Variants in RYR2 observed in about 807,000 individuals in gnomAD.
The protein encoded by RYR2 is ryanodine receptor 2.
A neutral mutation model predicts 601.1 loss-of-function variants in RYR2; 227 were observed. The ratio of observed to expected loss-of-function variants is 0.38; its 90% confidence interval spans 0.34 to 0.42. RYR2 has a LOEUF of 0.42. RYR2 is among the 10% of genes least tolerant of loss of function. The pLI is 1.00. For missense variants in RYR2, 4,646 were observed against 6,156.5 expected (o/e 0.75, Z 8.21); for synonymous variants, 2,223 against 2,175.1 (o/e 1.02, Z -0.61).
Position 237,610,790 on chromosome 1 carries a change from T to C in RYR2, c.4712T>C (p.Phe1571Ser). The C allele has an allele frequency of 6.2e-7, 1 of 1,608,818 alleles. No individual in the cohort carries two copies. Among genetic ancestry groups the C allele is most frequent in the Non-Finnish European group, 8.5e-7 (1 of 1,178,034 alleles). Residue 1571 changes from phenylalanine (F) to serine (S), a missense_variant, in exon 36 of 105, where the codon TTC becomes TCC. Phe to Ser is a radical substitution (Grantham distance 155). This residue lies in a region of RYR2 where 1,807 missense variants were observed against 2,088.1 expected (regional missense o/e 0.87). Transcript: ENST00000366574. This position sits in a 1 kb window ranked among gnomAD's most constrained non-coding sequence, Gnocchi z 4.9. ...KNVMPLSAGLFKSEHKNPVPQ... is the reference protein window; with the variant it reads ...KNVMPLSAGLSKSEHKNPVPQ... ...GTGATGCCTCTCTCGGCGGGATTAT[T>C]CAAGAGTGAGCACAAGAACCCCGTG... is the stretch of plus-strand genomic sequence containing the variant.
chr1:237,685,818 A>G (rs1006151788), intron 62 of RYR2, among the ~76,000 whole-genome samples: 4 of 152,220 alleles, frequency 2.6e-5, no homozygotes, highest in Admixed American at 2.6e-4. Context: ...TCTAGTAGCC[A>G]CTTGAATAGA....
At position 237,393,038 on chromosome 1, in the gene RYR2, G is replaced by A. The variant is rs116882285; in HGVS notation, c.773+4855G>A. ...ACATATACAGAGATGAAATGCATTAGGTGATGATAAGAGCTAAGGAGAAAA... is the reference window on the plus strand; with the variant it reads ...ACATATACAGAGATGAAATGCATTAAGTGATGATAAGAGCTAAGGAGAAAA... On this transcript the variant is annotated intron_variant, in intron 10 of 104. Coordinates refer to ENST00000366574, the MANE Select transcript of RYR2 (RefSeq NM_001035.3). Among the ~76,000 whole-genome samples the A allele has an allele frequency of 7.9e-4, 120 of 152,258 alleles. No homozygotes were observed. The East Asian group carries it at 0.014, about 17-fold the overall frequency.
intron 1 of RYR2, among the ~76,000 whole-genome samples, chr1:237,183,113 G>A (rs529285988): frequency 1.4e-3 from 209 of 152,178 alleles, no homozygotes; most frequent in Non-Finnish European, 1.9e-3. Context: ...AAAACAAGTC[G>A]GCTGTTAGGG....
chr1:237,394,409 T>C (rs775874154), intron 10 of RYR2, among the ~76,000 whole-genome samples: 16 of 152,210 alleles, frequency 1.1e-4, no homozygotes, highest in Non-Finnish European at 1.5e-4. Flanking sequence ...AGAGCTATTG[T>C]GGCAAACTGA....
At chr1:237,045,391 C>T (rs1017124921) in intron 1 of RYR2, among the ~76,000 whole-genome samples, 1 of 152,092 alleles carries the variant, frequency 6.6e-6, no homozygotes. Context: ...TTAGCTTGTA[C>T]CTGTCTCTCT....
chr1:237,531,685 A>G (rs1335418943), intron 25 of RYR2, among the ~76,000 whole-genome samples: 2 of 152,214 alleles, frequency 1.3e-5, no homozygotes, highest in African/African-American at 4.8e-5. Flanking sequence ...GTGCTCCATA[A>G]GTGAGTTTAT....
At chr1:237,290,058 C>T (rs1395806793) in intron 2 of RYR2, among the ~76,000 whole-genome samples, 1 of 152,164 alleles carries the variant, frequency 6.6e-6, no homozygotes, top group African/African-American at 2.4e-5. Context: ...AGTTATTTGT[C>T]CCTGTTTCTA....
chr1:237,262,259 T>TTG (rs1457476872), intron 1 of RYR2, among the ~76,000 whole-genome samples: 1 of 138,084 alleles, frequency 7.2e-6, no homozygotes, highest in Non-Finnish European at 1.6e-5. Flanking sequence ...TTTTTTTTTT[T>TTG]TTTTTTTTTT....
intron 1 of RYR2, among the ~76,000 whole-genome samples, chr1:237,050,733 A>G (rs1490265142): frequency 6.6e-6 from 1 of 152,214 alleles, no homozygotes; most frequent in Non-Finnish European, 1.5e-5. Context: ...AAAGAAAAAG[A>G]AAGCTTACAG....
At chr1:237,670,307 A>ATGGCAG (rs1191053958) in intron 58 of RYR2, among the ~76,000 whole-genome samples, 3 of 113,420 alleles carry the variant, frequency 2.6e-5, no homozygotes, top group African/African-American at 1.1e-4. Flanking sequence ...GGAGAGGGAG[A>ATGGCAG]CTGGAGAGGG....
chr1:237,330,544 C>T lies in RYR2; in HGVS notation c.169-334C>T, dbSNP rs554347576. Among the ~76,000 whole-genome samples the T allele has an allele frequency of 3.6e-3, 553 of 152,222 alleles. 3 individuals carry two copies. The highest frequency in any genetic ancestry group is 5.7e-3 in the Admixed American group (87 of 15,284). ...CTGGGATTACAGGCTTGTGCCGCTG[C>T]GTCTGGCTACTTTTTGTATTTTTAG... On this transcript the variant is annotated intron_variant, in intron 2 of 104. Transcript: ENST00000366574.
intron 88 of RYR2, among the ~76,000 whole-genome samples, chr1:237,779,851 G>A (rs916461511): frequency 4.6e-5 from 7 of 152,200 alleles, no homozygotes; most frequent in Admixed American, 3.9e-4. Context: ...ATTAATGGGA[G>A]AATGAAGATT....
At chr1:237,580,502 G>C (rs1164701011) in intron 29 of RYR2, among the ~76,000 whole-genome samples, 2 of 151,858 alleles carry the variant, frequency 1.3e-5, no homozygotes, top group Non-Finnish European at 2.9e-5. Context: ...TGCCTTAAGG[G>C]GTAATGAAAT....
intron 1 of RYR2, among the ~76,000 whole-genome samples, chr1:237,225,209 G>A (rs1448818767): frequency 1.3e-5 from 2 of 152,166 alleles, no homozygotes; most frequent in African/African-American, 4.8e-5. Flanking sequence ...GCAGATATAA[G>A]ATTAAAATAT....
chr1:237,072,607 G>GTGCAACAC (rs1664501088), intron 1 of RYR2, among the ~76,000 whole-genome samples: 1 of 152,110 alleles, frequency 6.6e-6, no homozygotes, highest in Non-Finnish European at 1.5e-5. Context: ...AATGGATTTG[G>GTGCAACAC]AAACTCGTAT....
At chr1:237,103,685 C>T (rs1390708433) in intron 1 of RYR2, among the ~76,000 whole-genome samples, 1 of 152,256 alleles carries the variant, frequency 6.6e-6, no homozygotes, top group Non-Finnish European at 1.5e-5. Context: ...TCTCCTGCCT[C>T]AGCCTCCCGA....
rs1692645940 is a variant in RYR2 at position 237,752,815 on chromosome 1, G to A, written c.11146-3473G>A. Among the ~76,000 whole-genome samples, 6 of 152,168 alleles carry A rather than the reference G, an allele frequency of 3.9e-5. No homozygotes were observed. In the South Asian group the frequency reaches 1.2e-3, roughly 32 times the overall value. On this transcript the variant is annotated intron_variant, in intron 80 of 104. Coordinates refer to ENST00000366574, the MANE Select transcript of RYR2 (RefSeq NM_001035.3). ...ACCTTGTAGGTCGTAACTCTCAGAT[G>A]CCAATTAAAAATATTTCATGTTGAC...
chr1:237,403,160 C>G (rs1703541401), intron 10 of RYR2, among the ~76,000 whole-genome samples: 1 of 152,064 alleles, frequency 6.6e-6, no homozygotes, highest in Non-Finnish European at 1.5e-5. Context: ...AATTGACTAA[C>G]TATATTAAGC....
chr1:237,063,248 G>A (rs904613934), intron 1 of RYR2, among the ~76,000 whole-genome samples: 1 of 152,216 alleles, frequency 6.6e-6, no homozygotes, highest in Non-Finnish European at 1.5e-5. Flanking sequence ...CCAGCCTCCA[G>A]AATGGTGAGA....
Sources: allele counts gnomAD v4.1 joint callset (sites outside exome capture counted in the v4.1 genomes callset), GRCh38; gene constraint gnomAD v4.1.1; regional missense constraint gnomAD v4.1.1; non-coding constraint Gnocchi (gnomAD v3.1); transcripts MANE v1.5; gene names NCBI Gene and HGNC (gene_info 2026-07-23, HGNC 2026-07-21).